SAXO2: variants seen among roughly 807,000 people sequenced by gnomAD.
SAXO2 encodes the protein family with sequence similarity 154, member B.
Under a neutral mutation model 18.7 loss-of-function variants are expected in SAXO2, and 17 were observed. That is an observed-to-expected ratio of 0.91 (90% CI 0.62 to 1.36). The LOEUF is 1.36. Ranked by LOEUF, SAXO2 falls within the 40% of genes most tolerant of loss-of-function variation. The pLI is 0.00. For missense variants in SAXO2, 486 were observed against 562.6 expected, an observed-to-expected ratio of 0.86 and a Z score of 1.38; for synonymous variants, 163 against 181.2, an observed-to-expected ratio of 0.90 and a Z score of 0.81.
At chr15:82,282,034 A>G in intron 3 of SAXO2, 85 bp from the exon 4 acceptor site, 1 of 1,046,778 alleles carries the variant, frequency 9.6e-7, no homozygotes, top group Non-Finnish European at 1.4e-6. Flanking sequence ...GATGTTTGGC[A>G]ATGAGAGAAG....
chr15:82,276,943 A>G (rs1297104593), intron 3 of SAXO2, among the ~76,000 whole-genome samples: 1 of 152,210 alleles, frequency 6.6e-6, no homozygotes, highest in Non-Finnish European at 1.5e-5. Flanking sequence ...AATATTGACA[A>G]AGTCAAAATT....
At chr15:82,263,247 T>A (rs1001077250) in intron 1 of SAXO2, 15 of 1,471,936 alleles carry the variant, frequency 1.0e-5, no homozygotes, top group Non-Finnish European at 1.4e-5. Context: ...TGGGATGTGA[T>A]CCGACTGGGA....
intron 2 of SAXO2, among the ~76,000 whole-genome samples, chr15:82,268,924 T>C (rs1352634540): frequency 6.6e-6 from 1 of 152,218 alleles, no homozygotes; most frequent in African/African-American, 2.4e-5. Flanking sequence ...CTGAGCTTAC[T>C]CTTTGCTTTT....
At position 82,282,249 on chromosome 15, in the gene SAXO2, T is replaced by G; in HGVS notation, c.564T>G (p.Pro188=). The G allele has an allele frequency of 6.2e-7, 1 of 1,614,224 alleles. No homozygotes were observed. The highest frequency in any genetic ancestry group is 1.6e-4 in the Middle Eastern group (1 of 6,062). ...QDDFVPQEIK[P]RQSFKPSSVV... ...ATTTTGTTCCTCAGGAGATAAAGCCTAGGCAAAGCTTTAAACCCTCCTCTG... is the reference window on the plus strand; with the variant it reads ...ATTTTGTTCCTCAGGAGATAAAGCCGAGGCAAAGCTTTAAACCCTCCTCTG... The change falls in exon 4 of 4, where the codon CCT becomes CCG. Residue 188 remains proline (P), a synonymous_variant. Coordinates refer to ENST00000682753, the MANE Select transcript of SAXO2 (RefSeq NM_001348699.2).
In SAXO2 at chr15:82,282,678, A is replaced by G. The variant is rs748770863; in HGVS notation, c.993A>G (p.Gln331=). Residue 331 remains glutamine, a synonymous_variant, in exon 4 of 4, where the codon CAA becomes CAG. Transcript: ENST00000682753. Reference sequence around the variant, plus strand: ...TTGTTCCCATCAGGCCAGTTTCTCAAAAAAGAAGTAACAATTTTCCTTTCC... The same window carrying G: ...TTGTTCCCATCAGGCCAGTTTCTCAGAAAAGAAGTAACAATTTTCCTTTCC... ...NHVVPIRPVS[Q]KRSNNFPFQG... 4.6e-5 allele frequency: 75 copies of G among 1,614,012 alleles called. No homozygotes were observed. Among genetic ancestry groups the G allele is most frequent in the Non-Finnish European group, 3.9e-5 (46 of 1,180,024 alleles).
chr15:82,263,332 C>G (rs1236627122), intron 1 of SAXO2: 4 of 900,182 alleles, frequency 4.4e-6, no homozygotes, highest in African/African-American at 3.3e-5. Flanking sequence ...AGTCTGCAAC[C>G]CATATCACAT....
At chr15:82,277,248 A>C (rs1008256199) in intron 3 of SAXO2, among the ~76,000 whole-genome samples, 14 of 152,246 alleles carry the variant, frequency 9.2e-5, no homozygotes, top group African/African-American at 3.1e-4. Context: ...AGTCAAAAGC[A>C]AATAGCAATA....
intron 1 of SAXO2, chr15:82,263,518 C>T (rs2075165002): frequency 2.9e-6 from 2 of 684,560 alleles, no homozygotes; most frequent in Non-Finnish European, 5.3e-6. Flanking sequence ...AAACACAGTC[C>T]TCTCCTTCCT....
In SAXO2 at chr15:82,282,496, CTGTT is replaced by C; in HGVS notation, c.814_817del (p.Phe272LysfsTer35). ...ACACACCAGAGTGACCCAGAATGCT[CTGTT>C]TGAAGGAAGCACTGAATTCCGTGAA... On this transcript the variant is annotated frameshift_variant, in exon 4 of 4. Coordinates refer to ENST00000682753, the MANE Select transcript of SAXO2 (RefSeq NM_001348699.2). LOFTEE classifies it low-confidence loss of function (END_TRUNC). The C allele has an allele frequency of 6.2e-7, 1 of 1,614,164 alleles. No individual in the cohort carries two copies. The highest frequency in any genetic ancestry group is 1.1e-5 in the South Asian group (1 of 91,062).
At position 82,284,417 on chromosome 15, in the gene SAXO2, T is replaced by A. The variant is rs2075393368; in HGVS notation, c.*1355T>A. 1 of 151,928 alleles carries A rather than the reference T, an allele frequency of 6.6e-6. No homozygotes were observed. Among genetic ancestry groups the A allele is most frequent in the Non-Finnish European group, 1.5e-5 (1 of 67,962 alleles). The allele number at this position is 151,928 out of a possible 1,614,324, so 9.4% of individuals were successfully genotyped here. ...TATTTGCAGAAAGGAAAAAGTATTATTTGCTAGGGTAGTTTTAGGAAGACT... is the reference window on the plus strand; with the variant it reads ...TATTTGCAGAAAGGAAAAAGTATTAATTGCTAGGGTAGTTTTAGGAAGACT... On this transcript the variant is annotated 3_prime_UTR_variant, in exon 4 of 4. Coordinates refer to ENST00000682753, the MANE Select transcript of SAXO2 (RefSeq NM_001348699.2).
intron 2 of SAXO2, among the ~76,000 whole-genome samples, chr15:82,268,845 G>T (rs1176041907): frequency 6.6e-6 from 1 of 152,184 alleles, no homozygotes; most frequent in Non-Finnish European, 1.5e-5. Context: ...CTACTCCATA[G>T]AAAGCTGCTT....
intron 1 of SAXO2, 21 bp downstream of exon 1, chr15:82,262,953 C>A: frequency 1.3e-6 from 2 of 1,588,562 alleles, no homozygotes; most frequent in Non-Finnish European, 8.6e-7. Context: ...GCTGGTGTAG[C>A]GGCGGGCCCG....
intron 2 of SAXO2, among the ~76,000 whole-genome samples, chr15:82,271,277 A>G (rs2141367854): frequency 6.6e-6 from 1 of 152,324 alleles, no homozygotes; most frequent in Non-Finnish European, 1.5e-5. Context: ...ATTTTACCTG[A>G]AATTTCCTTC....
chr15:82,284,120 C>G lies in SAXO2; in HGVS notation c.*1058C>G, dbSNP rs1475781929. 3 of 152,138 alleles carry G rather than the reference C, an allele frequency of 2.0e-5. No individual in the cohort carries two copies. Among genetic ancestry groups the G allele is most frequent in the African/African-American group, 7.2e-5 (3 of 41,406 alleles). 9.4% of individuals were successfully genotyped at this position (152,138 alleles called of 1,614,324 possible). A position where few individuals can be genotyped will look rare whatever the true frequency, so the allele number is the denominator to read the frequency against. Reference sequence around the variant, plus strand: ...TCAGACTGTATGGTACATTTTAATCCTTAAAGTACAAATGTGGAGGATTTT... The same window carrying G: ...TCAGACTGTATGGTACATTTTAATCGTTAAAGTACAAATGTGGAGGATTTT... On this transcript the variant is annotated 3_prime_UTR_variant, in exon 4 of 4. Coordinates refer to ENST00000682753, the MANE Select transcript of SAXO2 (RefSeq NM_001348699.2).
At chr15:82,263,787 G>C (rs923949687) in intron 1 of SAXO2, among the ~76,000 whole-genome samples, 2 of 152,038 alleles carry the variant, frequency 1.3e-5, no homozygotes, top group Non-Finnish European at 2.9e-5. Context: ...TATATTCAAC[G>C]CAAGTTCCTT....
intron 3 of SAXO2, among the ~76,000 whole-genome samples, chr15:82,279,365 A>C (rs1005817698): frequency 6.6e-6 from 1 of 152,214 alleles, no homozygotes. Flanking sequence ...GGAGAGAAGG[A>C]AATGAGGGAG....
At chr15:82,276,776 A>T (rs561822054) in intron 3 of SAXO2, among the ~76,000 whole-genome samples, 2 of 152,200 alleles carry the variant, frequency 1.3e-5, no homozygotes, top group African/African-American at 4.8e-5. Context: ...CAAATTAACA[A>T]TGTTTTCAGA....
At chr15:82,280,003 T>C (rs1022718316) in intron 3 of SAXO2, among the ~76,000 whole-genome samples, 1 of 152,144 alleles carries the variant, frequency 6.6e-6, no homozygotes, top group Non-Finnish European at 1.5e-5. Context: ...ATAACCAAAC[T>C]GTATTGTTAG....
In SAXO2 at chr15:82,282,353, A is replaced by T; in HGVS notation, c.668A>T (p.Lys223Met). 1 of 1,614,180 alleles carries T rather than the reference A, an allele frequency of 6.2e-7. No homozygotes were observed. The highest frequency in any genetic ancestry group is 8.5e-7 in the Non-Finnish European group (1 of 1,180,030). Reference sequence around the variant, plus strand: ...TATATACCTCATCAGCTTGAACTCAAGTTTGAAAGGCCAAAAGAAGTTTAC... The same window carrying T: ...TATATACCTCATCAGCTTGAACTCATGTTTGAAAGGCCAAAAGAAGTTTAC... ...LDYIPHQLELKFERPKEVYKP... is the reference protein window; with the variant it reads ...LDYIPHQLELMFERPKEVYKP... Residue 223 changes from lysine (K) to methionine (M), a missense_variant, in exon 4 of 4, where the codon AAG (lysine) becomes ATG (methionine). Transcript: ENST00000682753.
Sources: allele counts gnomAD v4.1 joint callset (sites outside exome capture counted in the v4.1 genomes callset), GRCh38; gene constraint gnomAD v4.1.1; transcripts MANE v1.5; gene names NCBI Gene and HGNC (gene_info 2026-07-23, HGNC 2026-07-21).